The following NTNG1 variants were observed in gnomAD, a reference collection of about 807,000 sequenced individuals.
NTNG1 encodes the protein netrin G1, also known as netrin-G1.
NTNG1 carries 16 observed loss-of-function variants against 54.0 expected under a neutral mutation model. The observed-to-expected ratio is 0.30, with a 90% CI of 0.20 to 0.45. The LOEUF is 0.45. Ranked by LOEUF, NTNG1 falls within the 20% of genes least tolerant of loss-of-function variation. NTNG1 has a pLI of 1.00. For synonymous variants in NTNG1, 255 were observed against 263.1 expected, an observed-to-expected ratio of 0.97 and a Z score of 0.30; for missense variants, 530 against 678.7, an observed-to-expected ratio of 0.78 and a Z score of 2.43.
At chr1:107,276,001 G>C (rs1290632397) in intron 2 of NTNG1, among the ~76,000 whole-genome samples, 1 of 152,176 alleles carries the variant, frequency 6.6e-6, no homozygotes, top group Admixed American at 6.5e-5. Context: ...TGCAGAAGGT[G>C]CTAAACTTAA....
intron 4 of NTNG1, among the ~76,000 whole-genome samples, chr1:107,406,251 A>T (rs908900364): frequency 6.6e-6 from 1 of 152,180 alleles, no homozygotes; most frequent in Non-Finnish European, 1.5e-5. Context: ...GAGCAAGCTA[A>T]AATGATTAGT....
chr1:107,259,225 A>G (rs1228661418), intron 2 of NTNG1, among the ~76,000 whole-genome samples: 2 of 152,174 alleles, frequency 1.3e-5, no homozygotes, highest in Non-Finnish European at 2.9e-5. Context: ...TATTCAATCA[A>G]AGCTCCAAAG....
rs1364007031 is a variant in NTNG1 at position 107,198,523 on chromosome 1, G to A, written c.246+49684G>A. Among the ~76,000 whole-genome samples the A allele has an allele frequency of 2.0e-5, 3 of 151,884 alleles. No homozygotes were observed. The East Asian group carries it at 5.8e-4, about 29-fold the overall frequency. The stretch of plus-strand genomic sequence containing the variant: ...AAAGATTTTAATGCCCATCTTTAGT[G>A]GGGAGAAATAATATTTGTCCAAAAG... On this transcript the variant is annotated intron_variant, in intron 2 of 7. Coordinates refer to ENST00000370068, the MANE Select transcript of NTNG1 (RefSeq NM_001113226.3).
chr1:107,478,478 A>G (rs897762226), intron 7 of NTNG1, among the ~76,000 whole-genome samples: 24 of 152,228 alleles, frequency 1.6e-4, no homozygotes, highest in African/African-American at 5.5e-4. Flanking sequence ...AGCTTCTTGA[A>G]AAAAGAAACC....
intron 3 of NTNG1, among the ~76,000 whole-genome samples, chr1:107,379,342 C>G (rs1380470456): frequency 6.6e-6 from 1 of 152,190 alleles, no homozygotes; most frequent in East Asian, 1.9e-4. Context: ...CTTCCAGAAC[C>G]TTCCACCTTC....
intron 3 of NTNG1, among the ~76,000 whole-genome samples, chr1:107,336,656 T>A: frequency 6.6e-6 from 1 of 151,926 alleles, no homozygotes; most frequent in Admixed American, 6.6e-5. Context: ...CTTTTGTGCA[T>A]CAAAGGACAC....
chr1:107,443,882 T>G (rs1676138351), intron 7 of NTNG1, among the ~76,000 whole-genome samples: 1 of 151,892 alleles, frequency 6.6e-6, no homozygotes, highest in South Asian at 2.1e-4. Context: ...TACATAAGGG[T>G]GATGAAAAAT....
At chr1:107,262,735 T>A (rs1178384419) in intron 2 of NTNG1, among the ~76,000 whole-genome samples, 1 of 152,242 alleles carries the variant, frequency 6.6e-6, no homozygotes, top group Non-Finnish European at 1.5e-5. Flanking sequence ...ATTTGTCTTC[T>A]GTTTAGAAAA....
intron 3 of NTNG1, among the ~76,000 whole-genome samples, chr1:107,361,138 T>C (rs1670240595): frequency 6.9e-6 from 1 of 145,100 alleles, no homozygotes; most frequent in African/African-American, 2.5e-5. Context: ...ATTTCTTATA[T>C]TATATATTAT....
At chr1:107,434,500 T>C (rs1675479195) in intron 6 of NTNG1, among the ~76,000 whole-genome samples, 1 of 152,204 alleles carries the variant, frequency 6.6e-6, no homozygotes, top group African/African-American at 2.4e-5. Flanking sequence ...TTTGTGACCC[T>C]GAGTAATCAC....
rs117568333 is a variant in NTNG1, at chr1:107,168,042, G to A, written c.246+19203G>A. 5.5e-4 allele frequency among the ~76,000 whole-genome samples: 83 copies of A among 152,062 alleles called. 3 individuals are homozygous for A. In the East Asian group the frequency reaches 0.015, roughly 27 times the overall value. Reference sequence around the variant, plus strand: ...GAAGAGAACTTTGAGGTCTCTGAAGGAAAAACACCCTGTAATTTCACAGTA... The same window carrying A: ...GAAGAGAACTTTGAGGTCTCTGAAGAAAAAACACCCTGTAATTTCACAGTA... On this transcript the variant is annotated intron_variant, in intron 2 of 7. Coordinates refer to ENST00000370068, the MANE Select transcript of NTNG1 (RefSeq NM_001113226.3).
chr1:107,218,332 T>G (rs1009449529), intron 2 of NTNG1, among the ~76,000 whole-genome samples: 2 of 152,184 alleles, frequency 1.3e-5, no homozygotes, highest in African/African-American at 4.8e-5. Context: ...TACCTTAAAT[T>G]TACATGAGTC....
rs901162210 is a variant in NTNG1, at chr1:107,256,915, AT to A, written c.247-67358del. Among the ~76,000 whole-genome samples the A allele has an allele frequency of 2.0e-5, 3 of 151,248 alleles. 1 individual carries two copies. Among genetic ancestry groups the A allele is most frequent in the Non-Finnish European group, 3.0e-5 (2 of 67,730 alleles). ...TACCTGTCAAAATGTCCAAATTGTT[AT>A]TTTTTTTTATTGTCCAAACTGAGTT... On this transcript the variant is annotated intron_variant, in intron 2 of 7. Transcript: ENST00000370068.
In NTNG1 at chr1:107,442,394, G is replaced by T. The variant is rs141721458; in HGVS notation, c.1390+5595G>T. Among the ~76,000 whole-genome samples the T allele has an allele frequency of 1.2e-3, 179 of 152,034 alleles. 1 individual carries two copies. The highest frequency in any genetic ancestry group is 4.1e-3 in the African/African-American group (171 of 41,490). On this transcript the variant is annotated intron_variant, in intron 7 of 7. Coordinates refer to ENST00000370068, the MANE Select transcript of NTNG1 (RefSeq NM_001113226.3). ...TTTATTAAAAATAAAAGCATAAATT[G>T]TTCCCAATAGACTACCTATAAAAAA...
chr1:107,158,339 C>T (rs1655154035), intron 2 of NTNG1, among the ~76,000 whole-genome samples: 1 of 152,022 alleles, frequency 6.6e-6, no homozygotes, highest in Non-Finnish European at 1.5e-5. Flanking sequence ...TTTCTTTTCA[C>T]CTTGCTAGGA....
chr1:107,352,541 G>A (rs780691750), intron 3 of NTNG1, among the ~76,000 whole-genome samples: 3 of 152,160 alleles, frequency 2.0e-5, no homozygotes, highest in Admixed American at 6.5e-5. Flanking sequence ...CTATGAGTCT[G>A]TAAAATCAAA....
chr1:107,296,927 T>G (rs1199659582), intron 2 of NTNG1, among the ~76,000 whole-genome samples: 1 of 149,426 alleles, frequency 6.7e-6, no homozygotes, highest in South Asian at 2.1e-4. Context: ...ATTTCAGTAC[T>G]TACACTGTGT....
At chr1:107,262,010 A>C (rs1477855992) in intron 2 of NTNG1, among the ~76,000 whole-genome samples, 4 of 152,230 alleles carry the variant, frequency 2.6e-5, no homozygotes, top group Non-Finnish European at 5.9e-5. Context: ...CTGATTGAGG[A>C]AAATAAGATA....
At chr1:107,187,278 T>C (rs1657534433) in intron 2 of NTNG1, among the ~76,000 whole-genome samples, 1 of 152,170 alleles carries the variant, frequency 6.6e-6, no homozygotes. Context: ...AATGCAGTAC[T>C]TGGCACATAG....
Sources: allele counts gnomAD v4.1 joint callset (sites outside exome capture counted in the v4.1 genomes callset), GRCh38; gene constraint gnomAD v4.1.1; transcripts MANE v1.5; gene names NCBI Gene and HGNC (gene_info 2026-07-23, HGNC 2026-07-21).